The following EXOC4 variants were observed in gnomAD, a reference collection of about 807,000 sequenced individuals.
The protein encoded by EXOC4 is exocyst complex component 4.
Under a neutral mutation model 107.2 loss-of-function variants are expected in EXOC4, and 71 were observed. The observed-to-expected ratio is 0.66, with a 90% CI of 0.55 to 0.81. The LOEUF (loss-of-function observed/expected upper bound fraction) is 0.81, where lower values mean the gene tolerates loss of function less well. Ranked by LOEUF, EXOC4 falls within the 30% of genes least tolerant of loss-of-function variation. The probability of loss-of-function intolerance (pLI) is 0.00; values close to 1 mark genes in which losing one functional copy is unlikely to be tolerated. For missense variants in EXOC4, 1,108 were observed against 1,189.6 expected (o/e 0.93, Z 1.01); for synonymous variants, 456 against 441.2 (o/e 1.03, Z -0.42).
At chr7:133,762,597 G>C (rs1320266836) in intron 10 of EXOC4, among the ~76,000 whole-genome samples, 2 of 151,964 alleles carry the variant, frequency 1.3e-5, no homozygotes, top group Admixed American at 6.6e-5. Context: ...GCACAAATAT[G>C]TTCACAATTT....
At chr7:133,530,791 A>C (rs1800167420) in intron 9 of EXOC4, among the ~76,000 whole-genome samples, 1 of 152,200 alleles carries the variant, frequency 6.6e-6, no homozygotes, top group East Asian at 1.9e-4. Context: ...GTGGCAGAGA[A>C]AGGCTAAATG....
intron 17 of EXOC4, among the ~76,000 whole-genome samples, chr7:134,053,560 TTA>T (rs112636370): frequency 4.0e-5 from 6 of 149,196 alleles, no homozygotes; most frequent in East Asian, 1.9e-4. Context: ...ATATCTGATT[TTA>T]TATATATATA....
At chr7:133,689,397 G>A (rs1432160136) in intron 10 of EXOC4, among the ~76,000 whole-genome samples, 3 of 152,112 alleles carry the variant, frequency 2.0e-5, no homozygotes, top group Admixed American at 1.3e-4. Flanking sequence ...GTTTTGTAGT[G>A]GGGTAGAAAG....
At position 133,824,667 on chromosome 7, in the gene EXOC4, C is replaced by T. The variant is rs1797656078; in HGVS notation, c.1734+7123C>T. Among the ~76,000 whole-genome samples, 3 of 152,100 alleles carry T rather than the reference C, an allele frequency of 2.0e-5. No individual in the cohort carries two copies. In the South Asian group the frequency reaches 6.2e-4, roughly 32 times the overall value. ...TTGCATAGTTTTGGAGGCCAGGAGC[C>T]ACATTCCCTCCAAAGCTCTGGAGGA... On this transcript the variant is annotated intron_variant, in intron 11 of 17. Transcript: ENST00000253861.
At chr7:133,598,156 A>G (rs1398707042) in intron 9 of EXOC4, among the ~76,000 whole-genome samples, 2 of 152,224 alleles carry the variant, frequency 1.3e-5, no homozygotes, top group East Asian at 1.9e-4. Context: ...CTTATGTCTC[A>G]CAGGACAAAA....
intron 10 of EXOC4, among the ~76,000 whole-genome samples, chr7:133,787,974 TATATATATATA>T (rs1796620946): frequency 2.1e-5 from 1 of 47,584 alleles, no homozygotes; most frequent in Admixed American, 1.9e-4. Context: ...TATATATATA[TATATATATATA>T]TATATATATA....
At chr7:133,786,205 C>T (rs1415175925) in intron 10 of EXOC4, among the ~76,000 whole-genome samples, 1 of 152,190 alleles carries the variant, frequency 6.6e-6, no homozygotes, top group African/African-American at 2.4e-5. Flanking sequence ...ACCAGGGCAG[C>T]ACTGGGGGCC....
intron 5 of EXOC4, among the ~76,000 whole-genome samples, chr7:133,333,899 C>T (rs1298427682): frequency 5.3e-5 from 8 of 152,256 alleles, no homozygotes; most frequent in East Asian, 1.9e-4. Flanking sequence ...AAACAATTCA[C>T]GGCAGTGAAA....
At chr7:133,711,316 C>G (rs1209966566) in intron 10 of EXOC4, among the ~76,000 whole-genome samples, 1 of 152,122 alleles carries the variant, frequency 6.6e-6, no homozygotes, top group African/African-American at 2.4e-5. Flanking sequence ...ACCTGTGGAG[C>G]TGGATTGCAA....
In EXOC4 at chr7:133,346,904, T is replaced by C. The variant is rs189046450; in HGVS notation, c.764-9426T>C. Among the ~76,000 whole-genome samples, 8 of 152,266 alleles carry C rather than the reference T, an allele frequency of 5.3e-5. No homozygotes were observed. The East Asian group carries it at 1.5e-3, about 29-fold the overall frequency. ...ATATCTTAGTTAACATGTACAAATA[T>C]AAATGAAATAATGCAGTTTATGAAG... On this transcript the variant is annotated intron_variant, in intron 5 of 17. Coordinates refer to ENST00000253861, the MANE Select transcript of EXOC4 (RefSeq NM_021807.4).
At chr7:134,030,205 C>T (rs535785823) in intron 17 of EXOC4, among the ~76,000 whole-genome samples, 4 of 152,248 alleles carry the variant, frequency 2.6e-5, no homozygotes, top group East Asian at 3.9e-4. Context: ...GTTAAAACCT[C>T]GTAAGATGCC....
chr7:133,558,246 C>CTTTTT (rs1554471730), intron 9 of EXOC4, among the ~76,000 whole-genome samples: 2 of 144,488 alleles, frequency 1.4e-5, no homozygotes, highest in Non-Finnish European at 3.0e-5. Context: ...CTTTTCTTTT[C>CTTTTT]TTTTCTTTTC....
chr7:133,832,265 G>A (rs142590047), intron 11 of EXOC4, among the ~76,000 whole-genome samples: 285 of 152,268 alleles, frequency 1.9e-3, no homozygotes, highest in African/African-American at 6.6e-3. Context: ...AGACGGTTTT[G>A]TCACATTCTG....
At position 133,347,750 on chromosome 7, in the gene EXOC4, TG is replaced by T. The variant is rs1795819543; in HGVS notation, c.764-8579del. Among the ~76,000 whole-genome samples, 21 of 152,270 alleles carry T rather than the reference TG, an allele frequency of 1.4e-4. No individual in the cohort carries two copies. The South Asian group carries it at 4.1e-3, about 30-fold the overall frequency. ...TCTATACATACAATGTGTGTGTGTG[TG>T]TAGGGGGCTGTGATCACAAGCACTT... On this transcript the variant is annotated intron_variant, in intron 5 of 17. Transcript: ENST00000253861.
In EXOC4 at chr7:134,031,165, G is replaced by C. The variant is rs920844850; in HGVS notation, c.2687+23330G>C. ...AAAGGATACAGGGTTTCTTTTTGAGGTGAAGAAATGTTCTGAAATTCATTA... is the reference window on the plus strand; with the variant it reads ...AAAGGATACAGGGTTTCTTTTTGAGCTGAAGAAATGTTCTGAAATTCATTA... On this transcript the variant is annotated intron_variant, in intron 17 of 17. Coordinates refer to ENST00000253861, the MANE Select transcript of EXOC4 (RefSeq NM_021807.4). 7.2e-5 allele frequency among the ~76,000 whole-genome samples: 11 copies of C among 152,156 alleles called. No homozygotes were observed. The South Asian group carries it at 1.7e-3, about 23-fold the overall frequency.
At chr7:133,551,373 T>A (rs961604914) in intron 9 of EXOC4, among the ~76,000 whole-genome samples, 43 of 152,248 alleles carry the variant, frequency 2.8e-4, no homozygotes, top group African/African-American at 1.0e-3. Context: ...ATTTTTTTTT[T>A]AATTTCTAGG....
chr7:133,925,310 G>T (rs1035434891), intron 13 of EXOC4, among the ~76,000 whole-genome samples: 1 of 152,082 alleles, frequency 6.6e-6, no homozygotes, highest in Non-Finnish European at 1.5e-5. Flanking sequence ...GGAAAAATAG[G>T]TCACGCAAGG....
At chr7:133,369,651 A>G (rs932607827) in intron 6 of EXOC4, among the ~76,000 whole-genome samples, 1 of 151,954 alleles carries the variant, frequency 6.6e-6, no homozygotes, top group African/African-American at 2.4e-5. Context: ...GAGTGATCTC[A>G]TCTCCTCAAA....
At chr7:133,467,973 A>T (rs375607278) in intron 7 of EXOC4, among the ~76,000 whole-genome samples, 40 of 152,216 alleles carry the variant, frequency 2.6e-4, no homozygotes, top group East Asian at 9.6e-4. Context: ...ACACTGAGGG[A>T]AGGACTTATT....
Sources: gnomAD v4.1 joint callset for allele counts (sites outside exome capture counted in the v4.1 genomes callset) on GRCh38, gnomAD v4.1.1 for gene constraint, MANE v1.5 for transcripts, NCBI Gene and HGNC (gene_info 2026-07-23, HGNC 2026-07-21) for gene names.